Variants in NPFFR2 observed in about 807,000 individuals in gnomAD.
NPFFR2 encodes the protein G-protein coupled receptor 74.
NPFFR2 carries 15 observed loss-of-function variants against 13.1 expected under a neutral mutation model. The observed-to-expected ratio is 1.15, with a 90% confidence interval of 0.77 to 1.76. The LOEUF (loss-of-function observed/expected upper bound fraction) is 1.76, where lower values mean the gene tolerates loss of function less well. Among genes scored for constraint, NPFFR2 ranks in the 40% most tolerant of loss-of-function variants. The pLI is 0.00. For missense variants in NPFFR2, 572 were observed against 503.5 expected (o/e 1.14, Z -1.30); for synonymous variants, 190 against 175.7 (o/e 1.08, Z -0.65).
Position 72,080,823 on chromosome 4 carries a change from A to T in NPFFR2, c.-7-47762A>T, listed in dbSNP as rs189027723. Among the ~76,000 whole-genome samples, 6 of 151,790 alleles carry T rather than the reference A, an allele frequency of 4.0e-5. No individual in the cohort carries two copies. In the East Asian group the frequency reaches 1.2e-3, roughly 29 times the overall value. ...GATCTAAGTTTGAGAGTCACTGACAACTACAGAGGCGCTCGGCTTTTCCTC... is the reference window on the plus strand; with the variant it reads ...GATCTAAGTTTGAGAGTCACTGACATCTACAGAGGCGCTCGGCTTTTCCTC... On this transcript the variant is annotated intron_variant, in intron 1 of 3. Transcript: ENST00000308744.
intron 1 of NPFFR2, among the ~76,000 whole-genome samples, chr4:72,040,277 T>A (rs1719169996): frequency 6.6e-6 from 1 of 152,176 alleles, no homozygotes; most frequent in African/African-American, 2.4e-5. Context: ...GAAGGATTTT[T>A]ATTTTTAAAA....
intron 1 of NPFFR2, among the ~76,000 whole-genome samples, chr4:72,058,397 T>TTA (rs1553888674): frequency 6.8e-6 from 1 of 147,678 alleles, no homozygotes; most frequent in Admixed American, 6.8e-5. Flanking sequence ...AAATAAAAAG[T>TTA]AAAAAAAAAA....
chr4:72,038,063 C>G (rs1291972276), intron 1 of NPFFR2, among the ~76,000 whole-genome samples: 1 of 152,136 alleles, frequency 6.6e-6, no homozygotes, highest in Non-Finnish European at 1.5e-5. Context: ...CATCTTTTTT[C>G]CTCCTTTGAC....
At chr4:72,131,128 C>T (rs188462527) in intron 2 of NPFFR2, among the ~76,000 whole-genome samples, 10 of 151,980 alleles carry the variant, frequency 6.6e-5, no homozygotes, top group Non-Finnish European at 1.5e-4. Context: ...CCATTGGAAC[C>T]TGGGGTTTTT....
chr4:72,042,533 C>T (rs1349913103), intron 1 of NPFFR2, among the ~76,000 whole-genome samples: 3 of 152,152 alleles, frequency 2.0e-5, no homozygotes, highest in African/African-American at 7.2e-5. Context: ...TTCCTAGAGA[C>T]TTGTTGAATG....
At chr4:72,036,076 T>C (rs1208954205) in intron 1 of NPFFR2, among the ~76,000 whole-genome samples, 1 of 152,198 alleles carries the variant, frequency 6.6e-6, no homozygotes. Flanking sequence ...TCAAAATATC[T>C]AAACTTAAGT....
At chr4:72,085,625 C>A (rs990691035) in intron 1 of NPFFR2, among the ~76,000 whole-genome samples, 1 of 152,060 alleles carries the variant, frequency 6.6e-6, no homozygotes, top group African/African-American at 2.4e-5. Flanking sequence ...TTATTGACAT[C>A]ATTACTGATT....
At chr4:72,048,380 C>G (rs1719440159) in intron 1 of NPFFR2, among the ~76,000 whole-genome samples, 1 of 152,110 alleles carries the variant, frequency 6.6e-6, no homozygotes, top group Admixed American at 6.6e-5. Context: ...TTCCAATGAT[C>G]ATGCACTATT....
chr4:72,106,344 C>T (rs934433532), intron 1 of NPFFR2, among the ~76,000 whole-genome samples: 1 of 151,744 alleles, frequency 6.6e-6, no homozygotes, highest in African/African-American at 2.4e-5. Flanking sequence ...GTGTTAATGG[C>T]GAAGCTAGGG....
intron 1 of NPFFR2, among the ~76,000 whole-genome samples, chr4:72,118,738 A>T (rs193279696): frequency 6.6e-6 from 1 of 152,292 alleles, no homozygotes; most frequent in East Asian, 1.9e-4. Context: ...TTGAGCACCA[A>T]TTATTGGTTC....
In NPFFR2 at chr4:72,052,175, G is replaced by T. The variant is rs10010780; in HGVS notation, c.-8+19975G>T. ...CCAGCATCATTCTGATACCAAAGCC[G>T]GGCAGAGACACAACCAAAAAAGAGA... On this transcript the variant is annotated intron_variant, in intron 1 of 3. Transcript: ENST00000308744. 2.0e-4 allele frequency among the ~76,000 whole-genome samples: 11 copies of T among 55,438 alleles called. No homozygotes were observed. In the East Asian group the frequency reaches 2.5e-3, roughly 12 times the overall value. 36.4% of individuals were successfully genotyped at this position (55,438 alleles called of 152,430 possible). A position where few individuals can be genotyped will look rare whatever the true frequency, so the allele number is the denominator to read the frequency against.
At chr4:72,116,801 T>A (rs534793266) in intron 1 of NPFFR2, among the ~76,000 whole-genome samples, 21 of 152,328 alleles carry the variant, frequency 1.4e-4, no homozygotes, top group African/African-American at 4.3e-4. Flanking sequence ...TCTGGTCTTC[T>A]ACATTGCCTC....
At chr4:72,039,472 C>T in intron 1 of NPFFR2, 1 of 644,160 alleles carries the variant, frequency 1.6e-6, no homozygotes, top group African/African-American at 2.0e-5. Flanking sequence ...TATACCCATT[C>T]ACATATATAC....
chr4:72,056,161 G>A (rs1267019300), intron 1 of NPFFR2, among the ~76,000 whole-genome samples: 1 of 152,046 alleles, frequency 6.6e-6, no homozygotes, highest in Non-Finnish European at 1.5e-5. Context: ...TAGCTAGAGA[G>A]AAGAAGAAAA....
Position 72,147,840 on chromosome 4 carries a change from T to A in NPFFR2, c.*28T>A. 1 of 1,425,246 alleles carries A rather than the reference T, an allele frequency of 7.0e-7. No individual in the cohort carries two copies. The allele number at this position is 1,425,246 out of a possible 1,614,324, so 88.3% of individuals were successfully genotyped here. A position where few individuals can be genotyped will look rare whatever the true frequency, so the allele number is the denominator to read the frequency against. ...AGAGCTAGTGTGATAATCCTAACTC[T>A]ACTACGCATTATATATTTAAATCCA... On this transcript the variant is annotated 3_prime_UTR_variant, in exon 4 of 4. Transcript: ENST00000308744.
chr4:72,147,838 T>C lies in NPFFR2; in HGVS notation c.*26T>C, dbSNP rs757415155. Reference sequence around the variant, plus strand: ...AAAGAGCTAGTGTGATAATCCTAACTCTACTACGCATTATATATTTAAATC... The same window carrying C: ...AAAGAGCTAGTGTGATAATCCTAACCCTACTACGCATTATATATTTAAATC... On this transcript the variant is annotated 3_prime_UTR_variant, in exon 4 of 4. Coordinates refer to ENST00000308744, the MANE Select transcript of NPFFR2 (RefSeq NM_004885.3). The C allele has an allele frequency of 6.9e-7, 1 of 1,443,836 alleles. No homozygotes were observed. The highest frequency in any genetic ancestry group is 2.3e-5 in the East Asian group (1 of 43,898). The allele number at this position is 1,443,836 out of a possible 1,614,324, so 89.4% of individuals were successfully genotyped here. A position where few individuals can be genotyped will look rare whatever the true frequency, so the allele number is the denominator to read the frequency against.
At chr4:72,096,381 A>G (rs1055730269) in intron 1 of NPFFR2, among the ~76,000 whole-genome samples, 5 of 152,202 alleles carry the variant, frequency 3.3e-5, no homozygotes, top group African/African-American at 1.2e-4. Context: ...TATAACATGC[A>G]TTCATGATCA....
intron 1 of NPFFR2, among the ~76,000 whole-genome samples, chr4:72,071,493 C>T (rs1578436313): frequency 6.6e-6 from 1 of 152,252 alleles, no homozygotes; most frequent in East Asian, 1.9e-4. Context: ...TGCACTGGCA[C>T]AATCTGTCTG....
intron 1 of NPFFR2, among the ~76,000 whole-genome samples, chr4:72,127,655 G>A (rs948072230): frequency 1.1e-4 from 16 of 150,922 alleles, no homozygotes; most frequent in Admixed American, 5.9e-4. Flanking sequence ...GAGCCACCGC[G>A]CCCGGCCCAA....
Sources: allele counts gnomAD v4.1 joint callset (sites outside exome capture counted in the v4.1 genomes callset), GRCh38; gene constraint gnomAD v4.1.1; transcripts MANE v1.5; gene names NCBI Gene and HGNC (gene_info 2026-07-23, HGNC 2026-07-21).